CPXM2: variants seen among roughly 807,000 people sequenced by gnomAD.
CPXM2 encodes inactive carboxypeptidase-like protein X2.
A neutral mutation model predicts 86.1 loss-of-function variants in CPXM2; 66 were observed. That is an observed-to-expected ratio of 0.77 (90% CI 0.63 to 0.94). CPXM2 has a LOEUF of 0.94. Among genes scored for constraint, CPXM2 ranks in the 40% least tolerant of loss-of-function variants. The pLI is 0.00. For synonymous variants in CPXM2, 388 were observed against 400.2 expected (o/e 0.97, Z 0.36); for missense variants, 948 against 1,026.3 (o/e 0.92, Z 1.04).
chr10:123,880,494 C>A (rs1945064951), intron 1 of CPXM2, among the ~76,000 whole-genome samples, 185 bp from the exon 2 acceptor site: 1 of 152,006 alleles, frequency 6.6e-6, no homozygotes, highest in African/African-American at 2.4e-5. Context: ...ATTAGCAACA[C>A]CCAGGAGAAG....
chr10:123,837,982 T>C (rs1263429476), intron 4 of CPXM2, among the ~76,000 whole-genome samples: 2 of 152,194 alleles, frequency 1.3e-5, no homozygotes, highest in Admixed American at 6.5e-5. Flanking sequence ...TTGCTGAGTC[T>C]AGTAGACCCA....
chr10:123,923,302 C>T (rs146716001), intron 2 of CPXM2, among the ~76,000 whole-genome samples: 45 of 152,250 alleles, frequency 3.0e-4, no homozygotes, highest in African/African-American at 9.4e-4. Context: ...ACATTCTTGC[C>T]GGGCGCGGTG....
At chr10:123,801,860 T>G (rs756911960) in intron 4 of CPXM2, among the ~76,000 whole-genome samples, 1 of 152,244 alleles carries the variant, frequency 6.6e-6, no homozygotes, top group Non-Finnish European at 1.5e-5. Flanking sequence ...CTCCTCTGTC[T>G]GCCTTTAAAT....
At chr10:123,839,192 G>C in intron 4 of CPXM2, among the ~76,000 whole-genome samples, 1 of 152,100 alleles carries the variant, frequency 6.6e-6, no homozygotes, top group Non-Finnish European at 1.5e-5. Flanking sequence ...GAGATCGAGA[G>C]TAGTTATCCC....
intron 4 of CPXM2, among the ~76,000 whole-genome samples, chr10:123,805,735 A>G (rs577523311): frequency 2.0e-5 from 3 of 151,694 alleles, no homozygotes; most frequent in African/African-American, 7.2e-5. Flanking sequence ...CACTGCCAAT[A>G]TTAAGATTGG....
At chr10:123,797,931 C>T in intron 6 of CPXM2, 45 bp downstream of exon 6, 1 of 1,484,068 alleles carries the variant, frequency 6.7e-7, no homozygotes, top group South Asian at 1.5e-5. Flanking sequence ...ATCTGTTTTC[C>T]ATCAGTGCTC....
At chr10:123,864,809 AT>A (rs1451784060) in intron 2 of CPXM2, among the ~76,000 whole-genome samples, 2 of 152,218 alleles carry the variant, frequency 1.3e-5, no homozygotes, top group African/African-American at 2.4e-5. Flanking sequence ...GAGTATTTTA[AT>A]TCAAAAAAGG....
chr10:123,883,367 T>A (rs868521012), intron 1 of CPXM2, among the ~76,000 whole-genome samples: 4 of 152,322 alleles, frequency 2.6e-5, no homozygotes, highest in Middle Eastern at 3.4e-3. Context: ...GGTGCTGCCA[T>A]GTCTGCCCCT....
chr10:123,856,214 C>T (rs1456929443), intron 3 of CPXM2, among the ~76,000 whole-genome samples: 1 of 152,206 alleles, frequency 6.6e-6, no homozygotes, highest in Admixed American at 6.5e-5. Flanking sequence ...CAACCACACA[C>T]TTGGTGTTTC....
intron 2 of CPXM2, among the ~76,000 whole-genome samples, chr10:123,919,757 T>A (rs1945566162): frequency 6.6e-6 from 1 of 151,916 alleles, no homozygotes; most frequent in African/African-American, 2.4e-5. Context: ...AGAAAAGAGG[T>A]TTATTTGGCT....
At position 123,838,403 on chromosome 10, in the gene CPXM2, G is replaced by A. The variant is rs188661519; in HGVS notation, c.653+3946C>T. On this transcript the variant is annotated intron_variant, in intron 4 of 13. Coordinates refer to ENST00000241305, the MANE Select transcript of CPXM2 (RefSeq NM_198148.3). Reference sequence around the variant, plus strand: ...TGGGAGGTGGAGGTTGCAGTGAGTCGATATCACTCCTCTGCACTCCAGCCT... The same window carrying A: ...TGGGAGGTGGAGGTTGCAGTGAGTCAATATCACTCCTCTGCACTCCAGCCT... Among the ~76,000 whole-genome samples, 31 of 152,184 alleles carry A rather than the reference G, an allele frequency of 2.0e-4. No individual in the cohort carries two copies. The East Asian group carries it at 4.1e-3, about 20-fold the overall frequency.
chr10:123,901,706 C>G (rs1283612278), intron 2 of CPXM2, among the ~76,000 whole-genome samples: 4 of 152,118 alleles, frequency 2.6e-5, no homozygotes, highest in Non-Finnish European at 5.9e-5. Flanking sequence ...AGAGAGGTCA[C>G]ACACATAACT....
chr10:123,752,560 C>G, intron 13 of CPXM2: 1 of 985,354 alleles, frequency 1.0e-6, no homozygotes, highest in Middle Eastern at 5.2e-4. Flanking sequence ...ACCCCAGCCT[C>G]GCCTCATCCT....
chr10:123,789,004 G>A (rs991847130), intron 6 of CPXM2, among the ~76,000 whole-genome samples: 1 of 152,072 alleles, frequency 6.6e-6, no homozygotes, highest in Non-Finnish European at 1.5e-5. Flanking sequence ...CACCCAAGGA[G>A]CAGCTGCCAT....
At chr10:123,863,248 G>T (rs1037613974) in intron 2 of CPXM2, among the ~76,000 whole-genome samples, 1 of 152,186 alleles carries the variant, frequency 6.6e-6, no homozygotes, top group African/African-American at 2.4e-5. Flanking sequence ...CCGTAAGAAT[G>T]ACAATGCTTA....
At position 123,746,899 on chromosome 10, in the gene CPXM2, T is replaced by C; in HGVS notation, c.2136A>G (p.Thr712=). The change falls in exon 14 of 14, where the codon ACA becomes ACG. Residue 712 remains threonine, a synonymous_variant. Coordinates refer to ENST00000241305, the MANE Select transcript of CPXM2 (RefSeq NM_198148.3). The part of the protein sequence containing the change: ...NCMVGYDMGA[T]RCDFTLSKTN... ...TTTTGCTAAGTGTGAAGTCACACCT[T>C]GTGGCCCCCATGTCATAGCCAACCA... The C allele has an allele frequency of 6.2e-7, 1 of 1,614,202 alleles. No homozygotes were observed. Among genetic ancestry groups the C allele is most frequent in the Non-Finnish European group, 8.5e-7 (1 of 1,180,032 alleles).
At chr10:123,801,306 G>A (rs1264691871) in intron 4 of CPXM2, among the ~76,000 whole-genome samples, 3 of 152,188 alleles carry the variant, frequency 2.0e-5, no homozygotes, top group African/African-American at 4.8e-5. Context: ...GGTGAGACAT[G>A]ACTGCTCCTC....
chr10:123,917,015 G>A (rs1945539037), intron 2 of CPXM2, among the ~76,000 whole-genome samples: 1 of 152,050 alleles, frequency 6.6e-6, no homozygotes, highest in Non-Finnish European at 1.5e-5. Context: ...ATAGGGAGAT[G>A]GGGGGCAGAG....
At chr10:123,789,797 T>C (rs1312601566) in intron 6 of CPXM2, among the ~76,000 whole-genome samples, 2 of 152,142 alleles carry the variant, frequency 1.3e-5, no homozygotes, top group Non-Finnish European at 2.9e-5. Flanking sequence ...CCACACAGTC[T>C]AAGCTAATTC....
Sources: allele counts gnomAD v4.1 joint callset (sites outside exome capture counted in the v4.1 genomes callset), GRCh38; gene constraint gnomAD v4.1.1; transcripts MANE v1.5; gene names NCBI Gene and HGNC (gene_info 2026-07-23, HGNC 2026-07-21).